The following MYO1D variants were observed in gnomAD, a reference collection of about 807,000 sequenced individuals.
MYO1D encodes unconventional myosin-Id.
MYO1D carries 83 observed loss-of-function variants against 122.0 expected under a neutral mutation model. The observed-to-expected ratio is 0.68, with a 90% confidence interval of 0.57 to 0.82. MYO1D has a LOEUF of 0.82. Among genes scored for constraint, MYO1D ranks in the 40% least tolerant of loss-of-function variants. MYO1D has a pLI of 0.00. For synonymous variants in MYO1D, 464 were observed against 446.9 expected (o/e 1.04, Z -0.48); for missense variants, 1,157 against 1,269.5 (o/e 0.91, Z 1.35).
chr17:32,576,029 A>G (rs2087275773), intron 21 of MYO1D, among the ~76,000 whole-genome samples: 1 of 152,224 alleles, frequency 6.6e-6, no homozygotes, highest in Non-Finnish European at 1.5e-5. Flanking sequence ...TAAAAGCTGT[A>G]TATTTGACTC....
intron 16 of MYO1D, among the ~76,000 whole-genome samples, chr17:32,682,691 T>G (rs1418812927): frequency 1.1e-5 from 1 of 90,656 alleles, no homozygotes; most frequent in Non-Finnish European, 2.2e-5. Context: ...AACATTTTTT[T>G]CATTTCAACT....
rs16967671 is a variant in MYO1D at position 32,838,802 on chromosome 17, G to A, written c.95+37976C>T. Among the ~76,000 whole-genome samples the A allele has an allele frequency of 1.1e-4, 17 of 152,174 alleles. No homozygotes were observed. In the East Asian group the frequency reaches 2.9e-3, roughly 26 times the overall value. On this transcript the variant is annotated intron_variant, in intron 1 of 21. Transcript: ENST00000318217. ...AAGGAGCCCACTTAAGGGACTATGA[G>A]GAATATTAACAACTGACTCAATACT...
Position 32,662,918 on chromosome 17 carries a change from C to CT in MYO1D, c.2122-3581dup, listed in dbSNP as rs66842883. On this transcript the variant is annotated intron_variant, in intron 16 of 21. Transcript: ENST00000318217. Reference sequence around the variant, plus strand: ...TTAGTGGGTCGTGCTACTTTCTTTTCTTTTTTTTTTTTTTTTTGAGACAGG... The same window carrying CT: ...TTAGTGGGTCGTGCTACTTTCTTTTCTTTTTTTTTTTTTTTTTTGAGACAGG... 8.4e-3 allele frequency among the ~76,000 whole-genome samples: 997 copies of CT among 118,720 alleles called. 11 individuals carry two copies. The highest frequency in any genetic ancestry group is 0.023 in the African/African-American group (770 of 32,792). The allele number at this position is 118,720 out of a possible 152,430, so 77.9% of individuals were successfully genotyped here.
chr17:32,538,554 T>C (rs1597883568), intron 21 of MYO1D, among the ~76,000 whole-genome samples: 1 of 151,566 alleles, frequency 6.6e-6, no homozygotes, highest in South Asian at 2.1e-4. Flanking sequence ...TGAGGCTTGG[T>C]GTCCAAAAGC....
At chr17:32,663,163 C>T (rs1295997503) in intron 16 of MYO1D, among the ~76,000 whole-genome samples, 6 of 152,124 alleles carry the variant, frequency 3.9e-5, no homozygotes, top group Non-Finnish European at 5.9e-5. Flanking sequence ...GTGATCCACC[C>T]GCCTTGGCTT....
rs372671448 is a variant in MYO1D, at chr17:32,702,907, A to G, written c.2121+9081T>C. Among the ~76,000 whole-genome samples, 11 of 152,338 alleles carry G rather than the reference A, an allele frequency of 7.2e-5. No individual in the cohort carries two copies. In the East Asian group the frequency reaches 1.7e-3, roughly 24 times the overall value. On this transcript the variant is annotated intron_variant, in intron 16 of 21. Coordinates refer to ENST00000318217, the MANE Select transcript of MYO1D (RefSeq NM_015194.3). ...GGAAAACTCATAGCATGGAACATGG[A>G]GCAGGTAAGGGGTAGCATAATTTAA...
intron 15 of MYO1D, among the ~76,000 whole-genome samples, chr17:32,719,519 T>C (rs2089485977): frequency 6.6e-6 from 1 of 151,952 alleles, no homozygotes; most frequent in African/African-American, 2.4e-5. Context: ...CCCGGCTAAT[T>C]TTTTGTATTT....
chr17:32,499,649 A>T (rs975316075), intron 21 of MYO1D, among the ~76,000 whole-genome samples: 2 of 151,328 alleles, frequency 1.3e-5, no homozygotes, highest in Non-Finnish European at 2.9e-5. Context: ...ATAAAAAAAT[A>T]AAAAAAAATA....
At chr17:32,542,938 G>A (rs1910884075) in intron 21 of MYO1D, among the ~76,000 whole-genome samples, 2 of 152,060 alleles carry the variant, frequency 1.3e-5, no homozygotes, top group Admixed American at 6.6e-5. Context: ...TATAAATTAC[G>A]TATCTGGGCC....
intron 12 of MYO1D, among the ~76,000 whole-genome samples, chr17:32,748,380 C>G (rs1398930690): frequency 1.3e-5 from 2 of 152,074 alleles, no homozygotes; most frequent in Non-Finnish European, 2.9e-5. Flanking sequence ...TCTCTCCCCT[C>G]TTCCTAATTC....
rs372823477 is a variant in MYO1D at position 32,555,486 on chromosome 17, C to T, written c.2864+49601G>A. 1.7e-3 allele frequency among the ~76,000 whole-genome samples: 260 copies of T among 152,016 alleles called. 2 individuals carry two copies. Among genetic ancestry groups the T allele is most frequent in the African/African-American group, 5.9e-3 (243 of 41,442 alleles). ...TACTTGTGTATATTTTCTAAAATTT[C>T]TACAAATAGAGTTACTTTGTTGTCA... On this transcript the variant is annotated intron_variant, in intron 21 of 21. Transcript: ENST00000318217.
chr17:32,695,242 C>G (rs1255653685), intron 16 of MYO1D, among the ~76,000 whole-genome samples: 1 of 152,206 alleles, frequency 6.6e-6, no homozygotes, highest in East Asian at 1.9e-4. Flanking sequence ...AGCCTAGATC[C>G]CTTGCATGCG....
chr17:32,846,790 G>A (rs1439496640), intron 1 of MYO1D, among the ~76,000 whole-genome samples: 1 of 152,044 alleles, frequency 6.6e-6, no homozygotes, highest in East Asian at 1.9e-4. Context: ...GACCAGCCTG[G>A]GCAACATAGC....
At chr17:32,755,736 T>G in intron 10 of MYO1D, 74 bp from the exon 11 acceptor site, 1 of 1,313,316 alleles carries the variant, frequency 7.6e-7, no homozygotes, top group Non-Finnish European at 1.0e-6. Flanking sequence ...TGCTCCCATT[T>G]GTATCAGGAG....
intron 21 of MYO1D, among the ~76,000 whole-genome samples, chr17:32,532,091 T>A (rs1567879486): frequency 6.6e-6 from 1 of 152,246 alleles, no homozygotes; most frequent in Admixed American, 6.5e-5. Context: ...CACTGTGCCA[T>A]CCCTGGCTCC....
chr17:32,809,570 C>A (rs1418186591), intron 1 of MYO1D, among the ~76,000 whole-genome samples: 1 of 151,914 alleles, frequency 6.6e-6, no homozygotes, highest in African/African-American at 2.4e-5. Context: ...TCCCATATAG[C>A]TGGGATTACA....
chr17:32,855,570 C>T (rs2091021479), intron 1 of MYO1D, among the ~76,000 whole-genome samples: 1 of 152,200 alleles, frequency 6.6e-6, no homozygotes, highest in Non-Finnish European at 1.5e-5. Flanking sequence ...TTCCATCCCA[C>T]TGTTGATGGA....
intron 21 of MYO1D, among the ~76,000 whole-genome samples, chr17:32,521,057 T>G (rs1910120035): frequency 1.3e-5 from 2 of 152,194 alleles, no homozygotes; most frequent in Admixed American, 1.3e-4. Flanking sequence ...ACCCAAAAGA[T>G]CAGACCTCAG....
chr17:32,692,214 T>C (rs952622791), intron 16 of MYO1D, among the ~76,000 whole-genome samples: 1 of 152,208 alleles, frequency 6.6e-6, no homozygotes, highest in African/African-American at 2.4e-5. Context: ...CAAAACTTGA[T>C]AGTCCAAGCA....
Sources: gnomAD v4.1 joint callset for allele counts (sites outside exome capture counted in the v4.1 genomes callset) on GRCh38, gnomAD v4.1.1 for gene constraint, MANE v1.5 for transcripts, NCBI Gene and HGNC (gene_info 2026-07-23, HGNC 2026-07-21) for gene names.